Variants in RSF1 observed in about 807,000 individuals in gnomAD.
The protein encoded by RSF1 is HBV pX-associated protein 8.
RSF1 carries 13 observed loss-of-function variants against 145.2 expected under a neutral mutation model. The observed-to-expected ratio is 0.09, with a 90% CI of 0.06 to 0.14. The LOEUF (loss-of-function observed/expected upper bound fraction) is 0.14, where lower values mean the gene tolerates loss of function less well. Ranked by LOEUF, RSF1 falls within the 10% of genes least tolerant of loss-of-function variation. RSF1 has a pLI of 1.00. For missense variants in RSF1, 1,517 were observed against 1,718.2 expected, an observed-to-expected ratio of 0.88 and a Z score of 2.07; for synonymous variants, 577 against 592.6, an observed-to-expected ratio of 0.97 and a Z score of 0.38.
chr11:77,764,527 A>G (rs759868140), intron 2 of RSF1, 71 bp downstream of exon 2: 2 of 896,974 alleles, frequency 2.2e-6, no homozygotes, highest in Non-Finnish European at 3.6e-6. Context: ...TGTGTATTAT[A>G]AAACATAATA....
intron 15 of RSF1, among the ~76,000 whole-genome samples, chr11:77,671,561 G>A (rs986916109): frequency 1.3e-5 from 2 of 151,464 alleles, no homozygotes; most frequent in African/African-American, 2.4e-5. Flanking sequence ...GCCTCTTATC[G>A]AGTATCTTTT....
At chr11:77,689,959 C>A (rs1255978787) in intron 9 of RSF1, among the ~76,000 whole-genome samples, 2 of 152,014 alleles carry the variant, frequency 1.3e-5, no homozygotes, top group African/African-American at 4.8e-5. Flanking sequence ...GTCAGCAGTT[C>A]GAGACTAGCC....
chr11:77,855,493 C>CT, the RSF1 span: 383 of 191,392 alleles, frequency 2.0e-3, no homozygotes, highest in South Asian at 6.4e-3. Flanking sequence ...GTAACTTTTT[C>CT]TTTTTTTTTG....
rs977661498 is a variant in RSF1 at position 77,679,209 on chromosome 11, T to G, written c.3066-1056A>C. Among the ~76,000 whole-genome samples the G allele has an allele frequency of 5.3e-5, 8 of 152,258 alleles. No homozygotes were observed. In the South Asian group the frequency reaches 1.0e-3, roughly 20 times the overall value. ...TAATTTTCACAGGATATCATTTTTC[T>G]TTTGATCCTTTTCTTCAAACATTTA... On this transcript the variant is annotated intron_variant, in intron 11 of 15. Transcript: ENST00000308488.
chr11:77,840,758 T>G, the RSF1 span, among the ~76,000 whole-genome samples: 1 of 152,080 alleles, frequency 6.6e-6, no homozygotes, highest in South Asian at 2.1e-4. Context: ...TTTTGTTTAT[T>G]TGCATGCCTT....
chr11:77,745,575 TC>T (rs1015920740), intron 3 of RSF1, among the ~76,000 whole-genome samples: 2 of 151,892 alleles, frequency 1.3e-5, no homozygotes, highest in African/African-American at 4.8e-5. Context: ...CTTTCTCTCT[TC>T]CAGGTTTTAG....
chr11:77,733,896 T>C (rs1961270762), intron 4 of RSF1, among the ~76,000 whole-genome samples: 1 of 152,338 alleles, frequency 6.6e-6, no homozygotes, highest in Middle Eastern at 3.4e-3. Flanking sequence ...TCTATTGACA[T>C]ACCCCATGGA....
chr11:77,732,382 T>C (rs111650855), intron 4 of RSF1, among the ~76,000 whole-genome samples: 5 of 152,130 alleles, frequency 3.3e-5, no homozygotes, highest in African/African-American at 9.7e-5. Context: ...AGATGAGATG[T>C]TGGACTGTGG....
chr11:77,825,949 C>G, the RSF1 span, among the ~76,000 whole-genome samples: 1 of 152,118 alleles, frequency 6.6e-6, no homozygotes, highest in Admixed American at 6.5e-5. Flanking sequence ...ACCTCGGCCT[C>G]CCAAAGTGCT....
intron 8 of RSF1, among the ~76,000 whole-genome samples, chr11:77,692,303 G>GGT (rs1960174131): frequency 1.2e-5 from 1 of 83,784 alleles, no homozygotes; most frequent in African/African-American, 6.7e-5. Flanking sequence ...GGAGTGCAGT[G>GGT]GCGGGATCTC....
At chr11:77,770,918 C>T (rs989909222) in intron 1 of RSF1, among the ~76,000 whole-genome samples, 1 of 152,152 alleles carries the variant, frequency 6.6e-6, no homozygotes, top group African/African-American at 2.4e-5. Flanking sequence ...AGCAGTCAGT[C>T]TTTAAAGGGA....
intron 9 of RSF1, 143 bp from the exon 10 acceptor site, chr11:77,685,302 T>C (rs1959974039): frequency 2.2e-6 from 1 of 444,832 alleles, no homozygotes; most frequent in African/African-American, 2.1e-5. Context: ...CTATTATTTA[T>C]TTATTTATTT....
At chr11:77,862,161 G>A in the RSF1 span, among the ~76,000 whole-genome samples, 80,364 of 151,918 alleles carry the variant, frequency 0.53, 21,602 homozygotes, top group African/African-American at 0.56. Context: ...CTGTGTCCCA[G>A]TGAGGGTCTA....
chr11:77,686,408 C>CAAAAAAAAAAAAAAAAAAAAAAAAAAAA lies in RSF1; in HGVS notation c.2901-1250_2901-1249insTTTTTTTTTTTTTTTTTTTTTTTTTTTT, dbSNP rs564410248. Among the ~76,000 whole-genome samples, 17 of 37,108 alleles carry CAAAAAAAAAAAAAAAAAAAAAAAAAAAA rather than the reference C, an allele frequency of 4.6e-4. 3 individuals carry two copies. The highest frequency in any genetic ancestry group is 7.2e-4 in the Admixed American group (2 of 2,790). 24.3% of individuals were successfully genotyped at this position (37,108 alleles called of 152,430 possible). A position where few individuals can be genotyped will look rare whatever the true frequency, so the allele number is the denominator to read the frequency against. ...GGGCATCAAGAGTGAGACCCTGTCT[C>CAAAAAAAAAAAAAAAAAAAAAAAAAAAA]AAAAAAAAAAAAAAAAAAAAGCAGG... On this transcript the variant is annotated intron_variant, in intron 9 of 15. Coordinates refer to ENST00000308488, the MANE Select transcript of RSF1 (RefSeq NM_016578.4).
intron 4 of RSF1, chr11:77,734,368 G>A (rs1961285594): frequency 1.9e-5 from 14 of 753,152 alleles, no homozygotes; most frequent in Non-Finnish European, 3.2e-5. Context: ...AACTTAGGTG[G>A]ATGTTTTGGT....
chr11:77,736,538 G>C (rs1961357670), intron 4 of RSF1, among the ~76,000 whole-genome samples: 1 of 152,124 alleles, frequency 6.6e-6, no homozygotes, highest in Admixed American at 6.6e-5. Context: ...TCTTTATGAG[G>C]AGGCAAAAAT....
At position 77,771,308 on chromosome 11, in the gene RSF1, G is replaced by A. The variant is rs547062529; in HGVS notation, c.188-6619C>T. Among the ~76,000 whole-genome samples the A allele has an allele frequency of 1.5e-4, 23 of 152,220 alleles. No individual in the cohort carries two copies. In the South Asian group the frequency reaches 1.9e-3, roughly 12 times the overall value. ...ATTGAAAGGGAAACATGTGACACAC[G>A]GTTAAAACCATCAGGAAATGCCTCT... On this transcript the variant is annotated intron_variant, in intron 1 of 15. Coordinates refer to ENST00000308488, the MANE Select transcript of RSF1 (RefSeq NM_016578.4).
chr11:77,742,271 A>G (rs1196538059), intron 3 of RSF1, among the ~76,000 whole-genome samples: 1 of 152,030 alleles, frequency 6.6e-6, no homozygotes, highest in South Asian at 2.1e-4. Flanking sequence ...ATCAGCGTGC[A>G]AGGGTTCCCT....
chr11:77,727,048 C>T (rs1961071617), intron 4 of RSF1, among the ~76,000 whole-genome samples: 1 of 152,148 alleles, frequency 6.6e-6, no homozygotes, highest in Admixed American at 6.5e-5. Context: ...CATACATGTT[C>T]ATACATATCA....
Sources: allele counts gnomAD v4.1 joint callset (sites outside exome capture counted in the v4.1 genomes callset), GRCh38; gene constraint gnomAD v4.1.1; transcripts MANE v1.5; gene names NCBI Gene and HGNC (gene_info 2026-07-23, HGNC 2026-07-21).